The following LIMCH1 variants were observed in gnomAD, a reference collection of about 807,000 sequenced individuals.
LIMCH1 encodes LIM and calponin homology domains-containing protein 1.
LIMCH1 carries 113 observed loss-of-function variants against 176.5 expected under a neutral mutation model. The ratio of observed to expected loss-of-function variants is 0.64; its 90% CI spans 0.55 to 0.75. The LOEUF (loss-of-function observed/expected upper bound fraction) is 0.75, where lower values mean the gene tolerates loss of function less well. Among genes scored for constraint, LIMCH1 ranks in the 30% least tolerant of loss-of-function variants. The pLI, the probability that LIMCH1 is intolerant of heterozygous loss-of-function variation, is 0.00. For missense variants in LIMCH1, 1,674 were observed against 1,814.9 expected, an observed-to-expected ratio of 0.92 and a Z score of 1.41; for synonymous variants, 619 against 645.9, an observed-to-expected ratio of 0.96 and a Z score of 0.63.
upstream of LIMCH1, among the ~76,000 whole-genome samples, chr4:41,360,360 C>T (rs1385170359): frequency 1.3e-5 from 2 of 152,008 alleles, no homozygotes; most frequent in African/African-American, 4.8e-5. The surrounding 1 kb of genome is among the most constrained non-coding windows in gnomAD (Gnocchi z 4.5). Context: ...CTCCCCCGGG[C>T]CCGGGTGCGC....
intron 4 of LIMCH1, chr4:41,612,824 G>A: frequency 2.5e-6 from 3 of 1,180,644 alleles, no homozygotes; most frequent in South Asian, 3.5e-5. Context: ...ATCAGGAAAA[G>A]CGTTTTGCAT....
intron 9 of LIMCH1, among the ~76,000 whole-genome samples, 156 bp downstream of exon 9, chr4:41,629,890 C>T (rs565620177): frequency 6.6e-6 from 1 of 152,000 alleles, no homozygotes; most frequent in African/African-American, 2.4e-5. Flanking sequence ...TCACTGTACC[C>T]TCGACTCCTG....
At chr4:41,539,863 A>T (rs188177120) in intron 1 of LIMCH1, among the ~76,000 whole-genome samples, 1 of 152,368 alleles carries the variant, frequency 6.6e-6, no homozygotes, top group East Asian at 1.9e-4. Context: ...AAGCAACAGG[A>T]ATGTTGACTA....
At chr4:41,380,659 C>A (rs1157395961) in intron 1 of LIMCH1, among the ~76,000 whole-genome samples, 1 of 152,104 alleles carries the variant, frequency 6.6e-6, no homozygotes, top group Non-Finnish European at 1.5e-5. Context: ...CAAGTGATTG[C>A]AATGTGCAGC....
intron 31 of LIMCH1, among the ~76,000 whole-genome samples, chr4:41,693,969 G>A (rs998178283): frequency 6.6e-6 from 1 of 152,122 alleles, no homozygotes; most frequent in African/African-American, 2.4e-5. Flanking sequence ...AAATTGAGAG[G>A]TTGGGTGATT....
rs998397335 is a variant in LIMCH1, at chr4:41,699,909, G to A, written c.*2724G>A. The A allele has an allele frequency of 1.3e-5, 2 of 151,844 alleles. No individual in the cohort carries two copies. The highest frequency in any genetic ancestry group is 4.8e-5 in the African/African-American group (2 of 41,336). The allele number at this position is 151,844 out of a possible 1,614,324, so 9.4% of individuals were successfully genotyped here. A position where few individuals can be genotyped will look rare whatever the true frequency, so the allele number is the denominator to read the frequency against. On this transcript the variant is annotated 3_prime_UTR_variant, in exon 32 of 32. Coordinates refer to ENST00000503057, the MANE Select transcript of LIMCH1 (RefSeq NM_001330672.2). ...TCTGGGTGGGCCAGTGTTCTATATC[G>A]GTTATACTAACTTTCATTTAAAGTA... is the stretch of plus-strand genomic sequence containing the variant.
In LIMCH1 at chr4:41,663,081, T is replaced by G. The variant is rs1664179222; in HGVS notation, c.3291+97T>G. The G allele has an allele frequency of 4.7e-6, 5 of 1,060,672 alleles. No homozygotes were observed. In the South Asian group the frequency reaches 4.8e-5, roughly 10 times the overall value. 65.7% of individuals were successfully genotyped at this position (1,060,672 alleles called of 1,614,324 possible). A position where few individuals can be genotyped will look rare whatever the true frequency, so the allele number is the denominator to read the frequency against. On this transcript the variant is annotated intron_variant, in intron 20 of 31. Coordinates refer to ENST00000503057, the MANE Select transcript of LIMCH1 (RefSeq NM_001330672.2). ...CTGTGGCAGTTGTGAATAATGAAGA[T>G]TTATTTCTCTCCTCATCTTTTTTCC...
chr4:41,613,952 A>G (rs1339731773), intron 5 of LIMCH1, among the ~76,000 whole-genome samples: 1 of 152,222 alleles, frequency 6.6e-6, no homozygotes, highest in Non-Finnish European at 1.5e-5. Context: ...GAATCAAGAC[A>G]CTGTGCAGAC....
chr4:41,549,055 G>T (rs887969658), intron 1 of LIMCH1, among the ~76,000 whole-genome samples: 1 of 150,960 alleles, frequency 6.6e-6, no homozygotes, highest in Non-Finnish European at 1.5e-5. Context: ...GTCCCCTACT[G>T]TTAATTTTTT....
chr4:41,436,433 A>G (rs1176817680), intron 1 of LIMCH1, among the ~76,000 whole-genome samples: 4 of 152,218 alleles, frequency 2.6e-5, no homozygotes, highest in African/African-American at 9.7e-5. Context: ...GGCATTAAAA[A>G]ATAATGTCCA....
At chr4:41,612,584 G>C (rs2091562962) in intron 4 of LIMCH1, 2 of 702,464 alleles carry the variant, frequency 2.8e-6, no homozygotes, top group African/African-American at 1.7e-5. Context: ...CGGGAACAAG[G>C]CTTTTATTAT....
chr4:41,626,391 T>C (rs1561975623), intron 7 of LIMCH1, among the ~76,000 whole-genome samples: 1 of 152,158 alleles, frequency 6.6e-6, no homozygotes, highest in Non-Finnish European at 1.5e-5. Flanking sequence ...ACAAAAAGCT[T>C]CCCATTTTTC....
chr4:41,601,174 T>C (rs1339838132), intron 2 of LIMCH1, among the ~76,000 whole-genome samples: 1 of 152,236 alleles, frequency 6.6e-6, no homozygotes, highest in African/African-American at 2.4e-5. Flanking sequence ...TTTTCATCAC[T>C]AGAGAAATAG....
intron 1 of LIMCH1, among the ~76,000 whole-genome samples, chr4:41,589,035 T>C (rs1003169878): frequency 4.6e-5 from 7 of 152,144 alleles, no homozygotes; most frequent in African/African-American, 1.7e-4. Flanking sequence ...TGTTCTCTTA[T>C]AGAATGACAA....
chr4:41,419,604 G>GTCCTTCCTTCCTTCCTTCC (rs2060312154), intron 1 of LIMCH1, among the ~76,000 whole-genome samples: 1 of 47,268 alleles, frequency 2.1e-5, no homozygotes, highest in African/African-American at 9.7e-5. Flanking sequence ...CCTTCCTTCC[G>GTCCTTCCTTCCTTCCTTCC]TCCTTCCTTC....
chr4:41,427,789 T>G (rs529930265), intron 1 of LIMCH1, among the ~76,000 whole-genome samples: 1 of 152,324 alleles, frequency 6.6e-6, no homozygotes, highest in East Asian at 1.9e-4. Context: ...CTTCTTTAGA[T>G]TGTACAAACA....
chr4:41,667,170 T>G (rs1420482079), intron 21 of LIMCH1, among the ~76,000 whole-genome samples: 3 of 152,188 alleles, frequency 2.0e-5, no homozygotes, highest in African/African-American at 7.2e-5. Context: ...ATTAATGTAC[T>G]TAATAGAAAG....
At chr4:41,444,304 GTATA>G (rs771592141) in intron 1 of LIMCH1, among the ~76,000 whole-genome samples, 9 of 95,110 alleles carry the variant, frequency 9.5e-5, no homozygotes, top group African/African-American at 4.7e-4. Context: ...GAGTGTGTGT[GTATA>G]TATATACACA....
At chr4:41,585,303 T>C (rs1383480765) in intron 1 of LIMCH1, among the ~76,000 whole-genome samples, 1 of 152,220 alleles carries the variant, frequency 6.6e-6, no homozygotes, top group African/African-American at 2.4e-5. Flanking sequence ...TCCTGCAATA[T>C]CTGTTCTTTT....
Sources: allele counts gnomAD v4.1 joint callset (sites outside exome capture counted in the v4.1 genomes callset), GRCh38; gene constraint gnomAD v4.1.1; non-coding constraint Gnocchi (gnomAD v3.1); transcripts MANE v1.5; gene names NCBI Gene and HGNC (gene_info 2026-07-23, HGNC 2026-07-21).